Variants in SPAG16 observed in about 807,000 individuals in gnomAD.
SPAG16 encodes the protein sperm associated antigen 16.
SPAG16 carries 86 observed loss-of-function variants against 80.4 expected under a neutral mutation model. The observed-to-expected ratio is 1.07, with a 90% CI of 0.90 to 1.28. SPAG16 has a LOEUF of 1.28. SPAG16 is among the 50% of genes most tolerant of loss of function. The pLI is 0.00. For synonymous variants in SPAG16, 294 were observed against 265.9 expected, an observed-to-expected ratio of 1.11 and a Z score of -1.03; for missense variants, 870 against 765.3, an observed-to-expected ratio of 1.14 and a Z score of -1.61.
At chr2:213,602,747 A>T (rs536982907) in intron 10 of SPAG16, among the ~76,000 whole-genome samples, 2 of 152,320 alleles carry the variant, frequency 1.3e-5, no homozygotes, top group African/African-American at 2.4e-5. Flanking sequence ...TTTGTTTTGA[A>T]TGTTGTATAT....
At chr2:213,965,889 C>T (rs1392957205) in intron 12 of SPAG16, among the ~76,000 whole-genome samples, 1 of 152,138 alleles carries the variant, frequency 6.6e-6, no homozygotes, top group African/African-American at 2.4e-5. Context: ...GAGTGGAGTG[C>T]TGGGTTGGGA....
At chr2:214,057,252 G>A (rs1216667831) in intron 13 of SPAG16, among the ~76,000 whole-genome samples, 1 of 150,644 alleles carries the variant, frequency 6.6e-6, no homozygotes, top group African/African-American at 2.4e-5. Context: ...ACCTTATAAA[G>A]GTATTTCTCA....
chr2:213,316,386 T>C (rs1354796370), intron 4 of SPAG16, among the ~76,000 whole-genome samples: 3 of 152,060 alleles, frequency 2.0e-5, no homozygotes, highest in African/African-American at 7.2e-5. Flanking sequence ...CAAGCCACCA[T>C]GCTCTCTCTT....
chr2:213,380,824 A>T (rs1053152139), intron 9 of SPAG16, among the ~76,000 whole-genome samples: 1 of 152,190 alleles, frequency 6.6e-6, no homozygotes, highest in Non-Finnish European at 1.5e-5. Flanking sequence ...CTTGCACAGC[A>T]GCCTGGACCT....
rs572377257 is a variant in SPAG16, at chr2:213,528,141, C to T, written c.1070+38051C>T. ...GTTCAGGACAAACCTATGTTTTCAACGGGCGCCCATCAGAACCTCTTCCAT... is the reference window on the plus strand; with the variant it reads ...GTTCAGGACAAACCTATGTTTTCAATGGGCGCCCATCAGAACCTCTTCCAT... On this transcript the variant is annotated intron_variant, in intron 10 of 15. Transcript: ENST00000331683. Among the ~76,000 whole-genome samples the T allele has an allele frequency of 6.6e-5, 10 of 152,174 alleles. No individual in the cohort carries two copies. The South Asian group carries it at 1.2e-3, about 19-fold the overall frequency.
intron 14 of SPAG16, among the ~76,000 whole-genome samples, chr2:214,115,987 T>G (rs2053916206): frequency 6.6e-6 from 1 of 152,028 alleles, no homozygotes; most frequent in African/African-American, 2.4e-5. Flanking sequence ...GGTAGGAGGC[T>G]GCAGAGCCCC....
chr2:213,693,217 G>A (rs1207004010), intron 10 of SPAG16, among the ~76,000 whole-genome samples: 3 of 152,208 alleles, frequency 2.0e-5, no homozygotes, highest in Non-Finnish European at 4.4e-5. Flanking sequence ...CATGCTCAAT[G>A]AATTCAGTCG....
At chr2:214,325,739 T>C (rs1696429596) in intron 15 of SPAG16, among the ~76,000 whole-genome samples, 1 of 151,814 alleles carries the variant, frequency 6.6e-6, no homozygotes, top group Non-Finnish European at 1.5e-5. Flanking sequence ...TTTTTTTACA[T>C]GTATTCCAGT....
At position 213,894,879 on chromosome 2, in the gene SPAG16, A is replaced by G. The variant is rs2076927300; in HGVS notation, c.1214+32251A>G. 2.0e-5 allele frequency among the ~76,000 whole-genome samples: 3 copies of G among 150,362 alleles called. No individual in the cohort carries two copies. In the South Asian group the frequency reaches 6.4e-4, roughly 32 times the overall value. ...GTGGCATGTGCCTGTAGTCCCAGAT[A>G]CTTGGGAGGCTGAGGCAGGAAAATC... On this transcript the variant is annotated intron_variant, in intron 11 of 15. Transcript: ENST00000331683.
intron 15 of SPAG16, among the ~76,000 whole-genome samples, chr2:214,346,810 T>C (rs187197241): frequency 1.7e-4 from 26 of 152,302 alleles, no homozygotes; most frequent in African/African-American, 5.8e-4. Flanking sequence ...AGTGAAGCTG[T>C]TCTGAACTCA....
intron 15 of SPAG16, among the ~76,000 whole-genome samples, chr2:214,193,560 G>T (rs1328356457): frequency 6.6e-6 from 1 of 151,774 alleles, no homozygotes; most frequent in Admixed American, 6.6e-5. Flanking sequence ...TGATTTATTT[G>T]CTGTGTAACC....
At chr2:213,697,092 C>A (rs2125312672) in intron 10 of SPAG16, among the ~76,000 whole-genome samples, 1 of 152,138 alleles carries the variant, frequency 6.6e-6, no homozygotes, top group South Asian at 2.1e-4. Flanking sequence ...AGGGACACTT[C>A]ATTTATTGTA....
At chr2:213,588,808 C>CAAAAAAAAAAAAAAA (rs59813410) in intron 10 of SPAG16, among the ~76,000 whole-genome samples, 3 of 28,956 alleles carry the variant, frequency 1.0e-4, no homozygotes, top group Non-Finnish European at 1.2e-4. Context: ...GACTCCGTCT[C>CAAAAAAAAAAAAAAA]AAAAAAAAAA....
chr2:214,357,627 T>C (rs1053074807), intron 15 of SPAG16, among the ~76,000 whole-genome samples: 3 of 151,994 alleles, frequency 2.0e-5, no homozygotes, highest in African/African-American at 7.2e-5. Context: ...TGTCCTTTAT[T>C]TTTTAATATA....
At chr2:213,678,273 C>T (rs1473897161) in intron 10 of SPAG16, among the ~76,000 whole-genome samples, 1 of 152,020 alleles carries the variant, frequency 6.6e-6, no homozygotes, top group African/African-American at 2.4e-5. Context: ...AAAATCAGAG[C>T]AGAACTGAAG....
intron 9 of SPAG16, among the ~76,000 whole-genome samples, chr2:213,442,346 TCCAACTTGA>T (rs2071024097): frequency 6.6e-6 from 1 of 152,234 alleles, no homozygotes; most frequent in African/African-American, 2.4e-5. Flanking sequence ...GTTAGTTCTT[TCCAACTTGA>T]CCAGTAGATT....
intron 10 of SPAG16, among the ~76,000 whole-genome samples, chr2:213,623,126 C>CT (rs2125058579): frequency 6.6e-6 from 1 of 152,212 alleles, no homozygotes; most frequent in Admixed American, 6.5e-5. Context: ...GGGTATAAGT[C>CT]TGTCATGGAG....
intron 10 of SPAG16, among the ~76,000 whole-genome samples, chr2:213,760,965 C>T (rs772465363): frequency 1.5e-4 from 23 of 152,084 alleles, no homozygotes; most frequent in African/African-American, 5.1e-4. Flanking sequence ...GTCCTTATGG[C>T]AGGATTTATG....
intron 15 of SPAG16, among the ~76,000 whole-genome samples, chr2:214,402,303 A>C (rs947675640): frequency 6.6e-6 from 1 of 152,040 alleles, no homozygotes; most frequent in African/African-American, 2.4e-5. Flanking sequence ...AACAAGTTTC[A>C]TGCCTCTCAG....
Sources: gnomAD v4.1 joint callset for allele counts (sites outside exome capture counted in the v4.1 genomes callset) on GRCh38, gnomAD v4.1.1 for gene constraint, MANE v1.5 for transcripts, NCBI Gene and HGNC (gene_info 2026-07-23, HGNC 2026-07-21) for gene names.